TTC27: variants seen among roughly 807,000 people sequenced by gnomAD.
TTC27 encodes tetratricopeptide repeat protein 27.
Under a neutral mutation model 115.9 loss-of-function variants are expected in TTC27, and 79 were observed. The ratio of observed to expected loss-of-function variants is 0.68; its 90% CI spans 0.57 to 0.82. The LOEUF (loss-of-function observed/expected upper bound fraction) is 0.82. Among genes scored for constraint, TTC27 ranks in the 40% least tolerant of loss-of-function variants. TTC27 has a pLI of 0.00. For missense variants in TTC27, 1,054 were observed against 993.1 expected (o/e 1.06, Z -0.82); for synonymous variants, 401 against 356.0 (o/e 1.13, Z -1.42).
At chr2:32,775,792 T>C (rs1669978053) in intron 13 of TTC27, among the ~76,000 whole-genome samples, 1 of 152,132 alleles carries the variant, frequency 6.6e-6, no homozygotes, top group African/African-American at 2.4e-5. Context: ...TTCAGAAATG[T>C]TAAATGGTGG....
chr2:32,796,398 G>A (rs1234399606), intron 16 of TTC27, among the ~76,000 whole-genome samples: 1 of 152,096 alleles, frequency 6.6e-6, no homozygotes, highest in East Asian at 1.9e-4. Context: ...GGAATTCAGC[G>A]CAGAGACTGC....
chr2:32,634,184 A>G (rs762565219), intron 3 of TTC27, among the ~76,000 whole-genome samples, 179 bp downstream of exon 3: 13 of 152,282 alleles, frequency 8.5e-5, no homozygotes, highest in African/African-American at 3.1e-4. Flanking sequence ...TTCCTTTGTC[A>G]AACTCCTCTT....
intron 1 of TTC27, 53 bp downstream of exon 1, chr2:32,628,433 G>A: frequency 6.9e-7 from 1 of 1,457,976 alleles, no homozygotes; most frequent in Non-Finnish European, 9.1e-7. Context: ...GTGAGGAAAA[G>A]GGATGGCAGC....
intron 5 of TTC27, among the ~76,000 whole-genome samples, chr2:32,655,370 C>G (rs569029529): frequency 1.3e-5 from 2 of 152,032 alleles, no homozygotes; most frequent in African/African-American, 4.8e-5. Context: ...TGGTCTTGAA[C>G]TCCTGGCATC....
At chr2:32,737,013 CAAGAGCTTTG>C (rs1558317566) in intron 12 of TTC27, among the ~76,000 whole-genome samples, 197 bp downstream of exon 12, 1 of 152,090 alleles carries the variant, frequency 6.6e-6, no homozygotes, top group Non-Finnish European at 1.5e-5. Context: ...GAAAGACTAA[CAAGAGCTTTG>C]AAGACGTGGG....
Position 32,702,999 on chromosome 2 carries a change from G to A in TTC27, c.1233+79G>A, listed in dbSNP as rs1667242863. The A allele has an allele frequency of 3.1e-6, 3 of 968,318 alleles. No homozygotes were observed. The East Asian group carries it at 7.3e-5, about 24-fold the overall frequency. 60.0% of individuals were successfully genotyped at this position (968,318 alleles called of 1,614,324 possible). ...GTAAGCATACATGTTTGCTATGAAT[G>A]AAGGAATGAAATGGCTTACATTTCA... On this transcript the variant is annotated intron_variant, in intron 10 of 19. Transcript: ENST00000317907.
intron 9 of TTC27, among the ~76,000 whole-genome samples, chr2:32,690,058 G>T (rs1666760647): frequency 2.6e-5 from 4 of 152,104 alleles, no homozygotes; most frequent in Admixed American, 2.6e-4. Context: ...ATCATGAGTA[G>T]GTTTTTGGAA....
intron 13 of TTC27, among the ~76,000 whole-genome samples, chr2:32,759,567 C>T (rs2147994957): frequency 1.3e-5 from 2 of 152,152 alleles, no homozygotes; most frequent in South Asian, 4.2e-4. Context: ...GCCTGGGCAA[C>T]ATAGTGAGAC....
At chr2:32,677,832 C>T (rs1318830136) in intron 8 of TTC27, among the ~76,000 whole-genome samples, 1 of 152,172 alleles carries the variant, frequency 6.6e-6, no homozygotes, top group East Asian at 1.9e-4. Flanking sequence ...CATTGTTCTG[C>T]CTCCTTGACA....
intron 16 of TTC27, among the ~76,000 whole-genome samples, chr2:32,794,729 A>G (rs900189896): frequency 4.6e-5 from 7 of 152,170 alleles, no homozygotes; most frequent in African/African-American, 1.7e-4. Flanking sequence ...GATTCAGATT[A>G]CTGAAATCAG....
chr2:32,718,767 C>A (rs556189513), intron 10 of TTC27, among the ~76,000 whole-genome samples: 2 of 152,160 alleles, frequency 1.3e-5, no homozygotes, highest in South Asian at 4.1e-4. Context: ...GGCTAACTAG[C>A]AGGCTTCTGT....
At chr2:32,714,030 T>G (rs1023025410) in intron 10 of TTC27, among the ~76,000 whole-genome samples, 7 of 152,306 alleles carry the variant, frequency 4.6e-5, no homozygotes, top group Admixed American at 2.6e-4. Flanking sequence ...TTTGGTTTTC[T>G]GTCCTTGCAT....
At position 32,634,001 on chromosome 2, in the gene TTC27, G is replaced by A; in HGVS notation, c.392G>A (p.Ser131Asn). Residue 131 changes from serine (S) to asparagine (N), a missense_variant, in exon 3 of 20, where the codon AGT becomes AAT. Transcript: ENST00000317907. Reference protein sequence around the residue: ...FLSSVLFQQFSEVKGLDAFVL... With the variant: ...FLSSVLFQQFNEVKGLDAFVL... ...TCATCTGTTTTGTTCCAGCAATTCA[G>A]TGAGGTATGCTTCTTGAAAATGTTG... 3 of 1,612,750 alleles carry A rather than the reference G, an allele frequency of 1.9e-6. No homozygotes were observed. Among genetic ancestry groups the A allele is most frequent in the Non-Finnish European group, 2.5e-6 (3 of 1,179,402 alleles).
chr2:32,639,353 A>G (rs2151862481), intron 3 of TTC27, among the ~76,000 whole-genome samples: 1 of 152,168 alleles, frequency 6.6e-6, no homozygotes, highest in East Asian at 1.9e-4. Flanking sequence ...TGTCCATTGT[A>G]AAAAAATCTC....
chr2:32,766,708 A>C (rs1669640182), intron 13 of TTC27, among the ~76,000 whole-genome samples: 1 of 152,222 alleles, frequency 6.6e-6, no homozygotes, highest in Admixed American at 6.5e-5. Flanking sequence ...CAGAGACACG[A>C]AGTAAGCACA....
intron 16 of TTC27, among the ~76,000 whole-genome samples, chr2:32,797,010 A>C (rs1558348703): frequency 1.3e-5 from 2 of 151,554 alleles, no homozygotes; most frequent in Non-Finnish European, 2.9e-5. Flanking sequence ...CCATCTCTAC[A>C]AAAAAATACA....
chr2:32,727,903 G>A (rs553781863), intron 10 of TTC27, among the ~76,000 whole-genome samples: 22 of 151,946 alleles, frequency 1.4e-4, no homozygotes, highest in Non-Finnish European at 3.1e-4. Flanking sequence ...AGAAAGAAAA[G>A]CTTCGAGTCC....
intron 16 of TTC27, among the ~76,000 whole-genome samples, chr2:32,791,407 G>C (rs4245771): frequency 0.39 from 59,819 of 152,040 alleles, 11,977 homozygotes; most frequent in South Asian, 0.57. Flanking sequence ...AATATATATT[G>C]AGTGCTTACT....
intron 9 of TTC27, among the ~76,000 whole-genome samples, chr2:32,687,935 A>C (rs999403140): frequency 3.9e-5 from 6 of 152,214 alleles, no homozygotes; most frequent in Non-Finnish European, 8.8e-5. Flanking sequence ...ATAAATGGCA[A>C]CATCAGCCAT....
Sources: gnomAD v4.1 joint callset for allele counts (sites outside exome capture counted in the v4.1 genomes callset) on GRCh38, gnomAD v4.1.1 for gene constraint, MANE v1.5 for transcripts, NCBI Gene and HGNC (gene_info 2026-07-23, HGNC 2026-07-21) for gene names.